MAP2K4: variants seen among roughly 807,000 people sequenced by gnomAD.
MAP2K4 encodes dual specificity mitogen-activated protein kinase kinase 4.
Under a neutral mutation model 48.5 loss-of-function variants are expected in MAP2K4, and 4 were observed. That is an observed-to-expected ratio of 0.08 (90% CI 0.04 to 0.19). MAP2K4 has a LOEUF of 0.19. Among genes scored for constraint, MAP2K4 ranks in the 10% least tolerant of loss-of-function variants. The pLI, the probability that MAP2K4 is intolerant of heterozygous loss-of-function variation, is 1.00. For missense variants in MAP2K4, 258 were observed against 493.3 expected (o/e 0.52, Z 4.52); for synonymous variants, 166 against 173.1 (o/e 0.96, Z 0.32).
chr17:12,119,347 CTT>C (rs1365034267), intron 7 of MAP2K4, among the ~76,000 whole-genome samples: 5 of 152,170 alleles, frequency 3.3e-5, no homozygotes, highest in Non-Finnish European at 7.4e-5. Flanking sequence ...TGAACAGACA[CTT>C]TTCAAAAGAA....
chr17:12,034,787 G>A (rs972415619), intron 1 of MAP2K4, among the ~76,000 whole-genome samples: 7 of 152,216 alleles, frequency 4.6e-5, no homozygotes, highest in Admixed American at 4.6e-4. Flanking sequence ...TGCTCCTGCT[G>A]TTCTCTCATG....
At chr17:12,060,302 T>C (rs1454899920) in intron 2 of MAP2K4, among the ~76,000 whole-genome samples, 4 of 152,200 alleles carry the variant, frequency 2.6e-5, no homozygotes, top group Non-Finnish European at 5.9e-5. Context: ...AATTTAGGCA[T>C]TGAATTAGAA....
At chr17:12,138,193 T>TA (rs1015654874) in intron 9 of MAP2K4, among the ~76,000 whole-genome samples, 3 of 151,866 alleles carry the variant, frequency 2.0e-5, no homozygotes, top group Admixed American at 2.0e-4. Context: ...ACTGAGCACT[T>TA]ACAATTTATA....
intron 2 of MAP2K4, among the ~76,000 whole-genome samples, chr17:12,057,115 G>A (rs1268773439): frequency 1.3e-5 from 2 of 152,096 alleles, no homozygotes. Context: ...GTAAGACAGT[G>A]TTCTTTTTTT....
At chr17:12,129,966 T>C (rs997437280) in intron 9 of MAP2K4, among the ~76,000 whole-genome samples, 4 of 152,218 alleles carry the variant, frequency 2.6e-5, no homozygotes, top group South Asian at 2.1e-4. Context: ...ATAAAATCTT[T>C]TTGTGTTATC....
At chr17:12,124,067 A>C (rs1972774829) in intron 7 of MAP2K4, among the ~76,000 whole-genome samples, 1 of 105,188 alleles carries the variant, frequency 9.5e-6, no homozygotes, top group African/African-American at 3.1e-5. Flanking sequence ...GCAAATACTT[A>C]TATTTACAAC....
Position 12,081,883 on chromosome 17 carries a change from G to T in MAP2K4, c.393+353G>T. On this transcript the variant is annotated intron_variant, in intron 3 of 10. Transcript: ENST00000353533. The surrounding 1 kb of genome is among the most constrained non-coding windows in gnomAD (Gnocchi z 4.2). ...CTGAGCCAGGCGGGAGCTGGAAGAA[G>T]ACGCAGCACACTGGGTTGGGCAAGG... is the stretch of plus-strand genomic sequence containing the variant. 3.7e-6 allele frequency: 2 copies of T among 540,770 alleles called. No homozygotes were observed. The highest frequency in any genetic ancestry group is 7.6e-6 in the Non-Finnish European group (2 of 264,880). The allele number at this position is 540,770 out of a possible 1,614,324, so 33.5% of individuals were successfully genotyped here. A position where few individuals can be genotyped will look rare whatever the true frequency, so the allele number is the denominator to read the frequency against.
intron 2 of MAP2K4, among the ~76,000 whole-genome samples, chr17:12,078,359 A>T (rs1462354070): frequency 6.6e-6 from 1 of 152,120 alleles, no homozygotes; most frequent in Non-Finnish European, 1.5e-5. Context: ...GAAGGGAAAG[A>T]TGAGGGATAT....
At chr17:12,069,123 G>A (rs1296032229) in intron 2 of MAP2K4, among the ~76,000 whole-genome samples, 4 of 152,188 alleles carry the variant, frequency 2.6e-5, no homozygotes, top group Non-Finnish European at 5.9e-5. Context: ...GGAAGGAATT[G>A]TGGTTGGCTA....
intron 9 of MAP2K4, 32 bp from the exon 10 acceptor site, chr17:12,139,807 A>G: frequency 6.8e-7 from 1 of 1,463,990 alleles, no homozygotes; most frequent in Non-Finnish European, 9.5e-7. Flanking sequence ...ATGAATCTAC[A>G]TTTTAATAAT....
rs1972815067 is a variant in MAP2K4, at chr17:12,125,120, T to C, written c.814-174T>C. On this transcript the variant is annotated intron_variant, in intron 7 of 10. Transcript: ENST00000353533. The stretch of plus-strand genomic sequence containing the variant: ...CTTTATGGAAGTAGCCATTAAGTTT[T>C]TTGTTGTTTGTTTTTATGATAATGA... The C allele has an allele frequency of 8.6e-6, 5 of 582,532 alleles. No individual in the cohort carries two copies. In the East Asian group the frequency reaches 1.4e-4, roughly 16 times the overall value. The allele number at this position is 582,532 out of a possible 1,614,324, so 36.1% of individuals were successfully genotyped here. A position where few individuals can be genotyped will look rare whatever the true frequency, so the allele number is the denominator to read the frequency against.
chr17:12,044,824 G>T (rs530953358), intron 1 of MAP2K4, among the ~76,000 whole-genome samples: 1 of 152,154 alleles, frequency 6.6e-6, no homozygotes, highest in African/African-American at 2.4e-5. Flanking sequence ...CTCCCAGTTG[G>T]GTTTCCCACA....
intron 2 of MAP2K4, among the ~76,000 whole-genome samples, chr17:12,076,857 TTGTG>T (rs57224781): frequency 1.3e-5 from 2 of 150,822 alleles, no homozygotes; most frequent in Non-Finnish European, 1.5e-5. Flanking sequence ...TGTTTGTATT[TTGTG>T]TGTGTGTGTG....
intron 7 of MAP2K4, among the ~76,000 whole-genome samples, chr17:12,122,533 T>A (rs1331735617): frequency 6.6e-6 from 1 of 152,252 alleles, no homozygotes; most frequent in Non-Finnish European, 1.5e-5. Flanking sequence ...GCTTTGCATG[T>A]GTTAACATTG....
chr17:12,123,416 G>C (rs1321915246), intron 7 of MAP2K4, among the ~76,000 whole-genome samples: 2 of 151,988 alleles, frequency 1.3e-5, no homozygotes, highest in African/African-American at 4.8e-5. Context: ...TTAGTAATTT[G>C]TATCTTTTCT....
Position 12,141,354 on chromosome 17 carries a change from C to G in MAP2K4, c.*94C>G. The G allele has an allele frequency of 3.5e-6, 3 of 861,154 alleles. No individual in the cohort carries two copies. In the South Asian group the frequency reaches 4.1e-5, roughly 12 times the overall value. The allele number at this position is 861,154 out of a possible 1,614,324, so 53.3% of individuals were successfully genotyped here. A position where few individuals can be genotyped will look rare whatever the true frequency, so the allele number is the denominator to read the frequency against. On this transcript the variant is annotated 3_prime_UTR_variant, in exon 11 of 11. Coordinates refer to ENST00000353533, the MANE Select transcript of MAP2K4 (RefSeq NM_003010.4). The stretch of plus-strand genomic sequence containing the variant: ...GTATCACAGTGTTTTTATTGCTCGC[C>G]CAGACACCATGTGCAATAAGATTGG...
chr17:12,106,634 A>C (rs1378849484), intron 4 of MAP2K4, among the ~76,000 whole-genome samples: 1 of 152,120 alleles, frequency 6.6e-6, no homozygotes, highest in African/African-American at 2.4e-5. Context: ...ATTAATGGGT[A>C]GAAAATCTTT....
intron 1 of MAP2K4, among the ~76,000 whole-genome samples, chr17:12,044,813 G>A (rs2151518945): frequency 6.6e-6 from 1 of 152,298 alleles, no homozygotes; most frequent in Non-Finnish European, 1.5e-5. Flanking sequence ...TGACTGTCCG[G>A]CTCCCAGTTG....
chr17:12,129,431 T>C (rs1972959374), intron 9 of MAP2K4, 144 bp downstream of exon 9: 6 of 878,122 alleles, frequency 6.8e-6, no homozygotes, highest in Non-Finnish European at 1.1e-5. Flanking sequence ...TCTGGATCAC[T>C]GTGGCTGTAT....
Sources: gnomAD v4.1 joint callset for allele counts (sites outside exome capture counted in the v4.1 genomes callset) on GRCh38, gnomAD v4.1.1 for gene constraint, Gnocchi (gnomAD v3.1) non-coding constraint, MANE v1.5 for transcripts, NCBI Gene and HGNC (gene_info 2026-07-23, HGNC 2026-07-21) for gene names.